The following CLIC5 variants were observed in gnomAD, a reference collection of about 807,000 sequenced individuals.
CLIC5 encodes the protein CLIC family member 5.
CLIC5 carries 20 observed loss-of-function variants against 24.7 expected under a neutral mutation model. The observed-to-expected ratio is 0.81, with a 90% CI of 0.57 to 1.18. The LOEUF (loss-of-function observed/expected upper bound fraction) is 1.18, where lower values mean the gene tolerates loss of function less well. CLIC5 is among the 50% of genes most tolerant of loss of function. The pLI, the probability that CLIC5 is intolerant of heterozygous loss-of-function variation, is 0.00. For missense variants in CLIC5, 341 were observed against 326.1 expected (o/e 1.05, Z -0.35); for synonymous variants, 159 against 135.6 (o/e 1.17, Z -1.20).
chr6:46,116,380 A>G, the CLIC5 span, among the ~76,000 whole-genome samples: 4 of 152,284 alleles, frequency 2.6e-5, no homozygotes, highest in African/African-American at 9.6e-5. Flanking sequence ...CAATTCCTAG[A>G]ACCTACCAGA....
At position 45,990,439 on chromosome 6, in the gene CLIC5, G is replaced by C. The variant is rs12333318; in HGVS notation, c.63+25041C>G. ...TCCTTTTTGTTTTAGAAAACCACTTGAGTTGGCCAACAAGCACCCAAGTGT... is the reference window on the plus strand; with the variant it reads ...TCCTTTTTGTTTTAGAAAACCACTTCAGTTGGCCAACAAGCACCCAAGTGT... On this transcript the variant is annotated intron_variant, in intron 1 of 5. Coordinates refer to ENST00000339561, the MANE Select transcript of CLIC5 (RefSeq NM_016929.5). Among the ~76,000 whole-genome samples the C allele has an allele frequency of 7.5e-3, 1,138 of 152,286 alleles. 13 individuals carry two copies. The highest frequency in any genetic ancestry group is 0.026 in the African/African-American group (1,093 of 41,550).
exon 1 of CLIC5, chr6:46,080,208 G>T (rs1369319121): frequency 6.4e-7 from 1 of 1,551,488 alleles, no homozygotes; most frequent in African/African-American, 1.4e-5. Context: ...ATTTTGGATT[G>T]TGTCATAGAT....
intron 6 of CLIC5, among the ~76,000 whole-genome samples, chr6:45,893,118 G>C (rs1762366881): frequency 6.6e-6 from 1 of 151,944 alleles, no homozygotes; most frequent in Admixed American, 6.6e-5. Flanking sequence ...ATTATGTTGT[G>C]GTTCAGCGAG....
chr6:46,019,707 A>G (rs1418093957), upstream of CLIC5, among the ~76,000 whole-genome samples: 2 of 148,342 alleles, frequency 1.3e-5, no homozygotes, highest in Non-Finnish European at 1.5e-5. Flanking sequence ...AAAAAAAAAA[A>G]AAAAAGAAAG....
rs148377014 is a variant in CLIC5, at chr6:45,914,339, C to A, written c.477G>T (p.Glu159Asp). ...DDYLNTPLPE[E>D]IDANTCGEDK... ...CTTCCCCACAAGTGTTGGCGTCAAT[C>A]TCCTCTGGTAGAGGGGTGTTCAGGT... Residue 159 changes from glutamate (E) to aspartate (D), a missense_variant, in exon 5 of 6, where the codon GAG (glutamate) becomes GAT (aspartate). Physicochemically the swap from Glu to Asp is conservative, Grantham distance 45. Coordinates refer to ENST00000339561, the MANE Select transcript of CLIC5 (RefSeq NM_016929.5). The A allele has an allele frequency of 1.6e-3, 2,638 of 1,610,116 alleles. 8 individuals carry two copies. The highest frequency in any genetic ancestry group is 1.3e-3 in the Non-Finnish European group (1,513 of 1,177,142).
At chr6:46,037,813 T>C (rs147799244) in intron 1 of CLIC5, among the ~76,000 whole-genome samples, 215 of 152,342 alleles carry the variant, frequency 1.4e-3, no homozygotes, top group African/African-American at 4.8e-3. Context: ...AATTGCGGGC[T>C]AACTGAAGGT....
intron 1 of CLIC5, among the ~76,000 whole-genome samples, chr6:46,055,975 T>C (rs1236474749): frequency 6.6e-6 from 1 of 152,170 alleles, no homozygotes; most frequent in Non-Finnish European, 1.5e-5. Flanking sequence ...AGCCTTTGAA[T>C]TGTGCAAAAC....
At chr6:46,065,700 G>A (rs1762422526) in intron 1 of CLIC5, among the ~76,000 whole-genome samples, 1 of 152,186 alleles carries the variant, frequency 6.6e-6, no homozygotes, top group Admixed American at 6.5e-5. Flanking sequence ...TATACAATAT[G>A]TTTTAAAAGC....
intron 2 of CLIC5, among the ~76,000 whole-genome samples, chr6:45,952,367 T>G (rs1020586126): frequency 4.6e-5 from 7 of 152,216 alleles, no homozygotes; most frequent in Non-Finnish European, 8.8e-5. Flanking sequence ...CCTTACTGGA[T>G]TGCCAGCTCC....
At chr6:46,030,677 T>C (rs1767473263) in intron 1 of CLIC5, among the ~76,000 whole-genome samples, 1 of 152,180 alleles carries the variant, frequency 6.6e-6, no homozygotes, top group Non-Finnish European at 1.5e-5. Flanking sequence ...CTAAAATGGC[T>C]TGATTTCCTA....
chr6:45,982,671 C>A (rs1208658890), intron 1 of CLIC5, among the ~76,000 whole-genome samples: 1 of 152,202 alleles, frequency 6.6e-6, no homozygotes, highest in East Asian at 1.9e-4. Flanking sequence ...CCACCGTCTT[C>A]TACGGGGTCC....
chr6:46,084,444 C>T (rs1762988278), upstream of CLIC5, among the ~76,000 whole-genome samples: 1 of 152,184 alleles, frequency 6.6e-6, no homozygotes, highest in Non-Finnish European at 1.5e-5. Flanking sequence ...GTGCTTCCTT[C>T]AGGAGCTCTT....
chr6:46,121,811 A>T, the CLIC5 span, among the ~76,000 whole-genome samples: 2 of 152,200 alleles, frequency 1.3e-5, no homozygotes, highest in Non-Finnish European at 2.9e-5. Flanking sequence ...CTTTAAACCA[A>T]CAAAGATCAA....
intron 1 of CLIC5, among the ~76,000 whole-genome samples, chr6:45,968,174 C>G (rs1765078596): frequency 6.6e-6 from 1 of 152,326 alleles, no homozygotes; most frequent in Middle Eastern, 3.4e-3. Flanking sequence ...TCTTCCCAAT[C>G]TGCTATCTCC....
intron 1 of CLIC5, among the ~76,000 whole-genome samples, chr6:45,958,927 G>A (rs1356696808): frequency 6.6e-6 from 1 of 151,880 alleles, no homozygotes; most frequent in African/African-American, 2.4e-5. Flanking sequence ...TTCTCTCACT[G>A]GCATTCTGAA....
At chr6:46,046,416 C>A (rs1438238529) in intron 1 of CLIC5, among the ~76,000 whole-genome samples, 1 of 152,158 alleles carries the variant, frequency 6.6e-6, no homozygotes, top group East Asian at 1.9e-4. Context: ...TTTCCCAAAA[C>A]CAACCAGTGA....
At chr6:45,929,700 C>T (rs567260590) in intron 4 of CLIC5, among the ~76,000 whole-genome samples, 50 of 152,320 alleles carry the variant, frequency 3.3e-4, no homozygotes, top group Non-Finnish European at 6.5e-4. Context: ...GGCCTGATAA[C>T]AGCCCACCGT....
At chr6:45,976,569 T>TTGCCATTAA (rs1310683431) in intron 1 of CLIC5, among the ~76,000 whole-genome samples, 2 of 152,228 alleles carry the variant, frequency 1.3e-5, no homozygotes, top group African/African-American at 2.4e-5. Flanking sequence ...ATTGCTGTTT[T>TTGCCATTAA]TGCCATTACT....
chr6:45,896,310 G>A (rs1394741564), downstream of CLIC5, among the ~76,000 whole-genome samples: 2 of 152,202 alleles, frequency 1.3e-5, no homozygotes, highest in Non-Finnish European at 2.9e-5. Flanking sequence ...CCAATTGGTT[G>A]AAATGTCATT....
Sources: gnomAD v4.1 joint callset for allele counts (sites outside exome capture counted in the v4.1 genomes callset) on GRCh38, gnomAD v4.1.1 for gene constraint, MANE v1.5 for transcripts, NCBI Gene and HGNC (gene_info 2026-07-23, HGNC 2026-07-21) for gene names.